Variants in ATP8B4 observed in about 807,000 individuals in gnomAD.
The protein encoded by ATP8B4 is ATPase phospholipid transporting 8B4 (putative).
Under a neutral mutation model 145.6 loss-of-function variants are expected in ATP8B4, and 133 were observed. The ratio of observed to expected loss-of-function variants is 0.91; its 90% CI spans 0.79 to 1.05. The LOEUF (loss-of-function observed/expected upper bound fraction) is 1.05, where lower values mean the gene tolerates loss of function less well. Ranked by LOEUF, ATP8B4 falls within the 50% of genes least tolerant of loss-of-function variation. The pLI, the probability that ATP8B4 is intolerant of heterozygous loss-of-function variation, is 0.00. For missense variants in ATP8B4, 1,458 were observed against 1,425.2 expected (o/e 1.02, Z -0.37); for synonymous variants, 507 against 492.9 (o/e 1.03, Z -0.38).
At chr15:49,932,247 C>A (rs773729827) in intron 15 of ATP8B4, among the ~76,000 whole-genome samples, 11 of 151,478 alleles carry the variant, frequency 7.3e-5, no homozygotes, top group Non-Finnish European at 1.5e-4. Context: ...TAGAAATATT[C>A]TTGAATATAT....
intron 16 of ATP8B4, among the ~76,000 whole-genome samples, chr15:49,927,727 C>T (rs916099931): frequency 6.6e-6 from 1 of 152,102 alleles, no homozygotes; most frequent in Non-Finnish European, 1.5e-5. Context: ...AAGAAACCAA[C>T]TCTGGGCCAA....
chr15:49,920,559 T>A (rs1460070715), intron 17 of ATP8B4, 149 bp from the exon 18 acceptor site: 1 of 898,166 alleles, frequency 1.1e-6, no homozygotes, highest in East Asian at 2.7e-5. Context: ...AACTTTTTAA[T>A]CTCCTCAGAA....
chr15:50,130,937 T>C (rs184535340), intron 1 of ATP8B4, among the ~76,000 whole-genome samples: 18 of 152,216 alleles, frequency 1.2e-4, no homozygotes, highest in Admixed American at 8.5e-4. Flanking sequence ...AGAGGTGTAA[T>C]TGACTCACAG....
At chr15:50,068,641 T>G (rs8041340) in intron 3 of ATP8B4, among the ~76,000 whole-genome samples, 61,500 of 151,986 alleles carry the variant, frequency 0.4, 12,673 homozygotes, top group East Asian at 0.56. Context: ...CAGATAAAAT[T>G]TATTAAGTGT....
intron 14 of ATP8B4, among the ~76,000 whole-genome samples, chr15:49,947,248 T>A (rs1165926452): frequency 6.6e-6 from 1 of 151,940 alleles, no homozygotes; most frequent in African/African-American, 2.4e-5. Flanking sequence ...CTGGCCAACA[T>A]GGTGAAACCC....
intron 12 of ATP8B4, among the ~76,000 whole-genome samples, chr15:49,975,317 T>C (rs2045568012): frequency 6.6e-6 from 1 of 152,130 alleles, no homozygotes; most frequent in Non-Finnish European, 1.5e-5. Context: ...TATAGATTTG[T>C]TCTTGAACAT....
At chr15:50,096,868 G>C (rs1261988834) in intron 2 of ATP8B4, among the ~76,000 whole-genome samples, 1 of 152,072 alleles carries the variant, frequency 6.6e-6, no homozygotes, top group Non-Finnish European at 1.5e-5. Context: ...AAACATAGAA[G>C]AGAACTCATG....
intron 2 of ATP8B4, among the ~76,000 whole-genome samples, chr15:50,103,373 A>C (rs1400808215): frequency 6.6e-6 from 1 of 152,144 alleles, no homozygotes; most frequent in Non-Finnish European, 1.5e-5. Context: ...AGCTCCTAGA[A>C]ACGGTAAATG....
chr15:50,049,271 A>G (rs1196667429), intron 3 of ATP8B4, among the ~76,000 whole-genome samples: 1 of 152,208 alleles, frequency 6.6e-6, no homozygotes, highest in East Asian at 1.9e-4. Flanking sequence ...AGTATCCAAT[A>G]GGTAGTTTTT....
chr15:50,109,822 A>G (rs2056855467), intron 1 of ATP8B4, among the ~76,000 whole-genome samples: 2 of 152,086 alleles, frequency 1.3e-5, no homozygotes, highest in South Asian at 2.1e-4. Flanking sequence ...ACTTAATACA[A>G]TTGTGTAATA....
At chr15:50,051,663 G>A (rs2052196384) in intron 3 of ATP8B4, among the ~76,000 whole-genome samples, 1 of 152,140 alleles carries the variant, frequency 6.6e-6, no homozygotes, top group Non-Finnish European at 1.5e-5. Context: ...TAAAGCTAAG[G>A]AGAAAATACA....
chr15:50,115,297 C>T (rs2057130858), intron 1 of ATP8B4, among the ~76,000 whole-genome samples: 1 of 151,996 alleles, frequency 6.6e-6, no homozygotes, highest in South Asian at 2.1e-4. Context: ...GATTGTGCCA[C>T]TTCACTCCAG....
At chr15:50,095,316 T>C (rs2055900828) in intron 2 of ATP8B4, among the ~76,000 whole-genome samples, 1 of 152,158 alleles carries the variant, frequency 6.6e-6, no homozygotes. Context: ...AGAGAGCATG[T>C]GGCAAAATGA....
At chr15:49,907,567 C>T (rs1326681377) in intron 20 of ATP8B4, among the ~76,000 whole-genome samples, 1 of 152,094 alleles carries the variant, frequency 6.6e-6, no homozygotes, top group Admixed American at 6.6e-5. Context: ...AGGAAATAGA[C>T]AAGGAATGAG....
chr15:49,983,070 C>G (rs1264164300), intron 10 of ATP8B4, among the ~76,000 whole-genome samples: 1 of 152,140 alleles, frequency 6.6e-6, no homozygotes. Flanking sequence ...CCTTAAGACT[C>G]AGGCATAGGT....
intron 3 of ATP8B4, among the ~76,000 whole-genome samples, chr15:50,067,694 C>T (rs1472344071): frequency 6.6e-6 from 1 of 152,106 alleles, no homozygotes; most frequent in East Asian, 1.9e-4. Flanking sequence ...TTTGTACCCC[C>T]TTTCTTAATA....
At chr15:49,861,563 T>A (rs2031818863) in intron 27 of ATP8B4, among the ~76,000 whole-genome samples, 1 of 152,092 alleles carries the variant, frequency 6.6e-6, no homozygotes, top group South Asian at 2.1e-4. Context: ...TTCCCCCTTC[T>A]CATGACATGG....
intron 6 of ATP8B4, among the ~76,000 whole-genome samples, chr15:50,038,505 A>G (rs928336473): frequency 6.6e-6 from 1 of 152,246 alleles, no homozygotes; most frequent in African/African-American, 2.4e-5. Context: ...TACTGGATCT[A>G]GAAATGGAAA....
chr15:49,913,718 C>T (rs1379925258), intron 20 of ATP8B4, among the ~76,000 whole-genome samples: 1 of 152,112 alleles, frequency 6.6e-6, no homozygotes, highest in Non-Finnish European at 1.5e-5. Flanking sequence ...TGTTTCTATA[C>T]ACCAATAATG....
Sources: gnomAD v4.1 joint callset for allele counts (sites outside exome capture counted in the v4.1 genomes callset) on GRCh38, gnomAD v4.1.1 for gene constraint, MANE v1.5 for transcripts, NCBI Gene and HGNC (gene_info 2026-07-23, HGNC 2026-07-21) for gene names.